Variants in FBLN1 observed in about 807,000 individuals in gnomAD.
The protein encoded by FBLN1 is fibulin 1, also known as fibulin-1.
Under a neutral mutation model 89.7 loss-of-function variants are expected in FBLN1, and 34 were observed. The observed-to-expected ratio is 0.38, with a 90% CI of 0.29 to 0.50. The LOEUF (loss-of-function observed/expected upper bound fraction) is 0.50. FBLN1 is among the 20% of genes least tolerant of loss of function. FBLN1 has a pLI of 0.92. For synonymous variants in FBLN1, 393 were observed against 391.3 expected (o/e 1.00, Z -0.05); for missense variants, 777 against 988.1 (o/e 0.79, Z 2.86).
rs2089030106 is a variant in FBLN1, at chr22:45,580,059, G to T, written c.1972+2951G>T. 6.6e-6 allele frequency among the ~76,000 whole-genome samples: 1 copy of T among 152,160 alleles called. No homozygotes were observed. Among genetic ancestry groups the T allele is most frequent in the Non-Finnish European group, 1.5e-5 (1 of 68,036 alleles). On this transcript the variant is annotated intron_variant, in intron 16 of 16. Coordinates refer to ENST00000327858, the MANE Select transcript of FBLN1 (RefSeq NM_006486.3). This position sits in a 1 kb window ranked among gnomAD's most constrained non-coding sequence, Gnocchi z 8.6. ...TCCTCACAGACACTGCCAGCGACGG[G>T]TCATGATTGTCTCCCTTGGGCAAAG...
In FBLN1 at chr22:45,506,413, C is replaced by T. The variant is rs139447027; in HGVS notation, c.79+3349C>T. Among the ~76,000 whole-genome samples, 838 of 152,326 alleles carry T rather than the reference C, an allele frequency of 5.5e-3. 5 individuals carry two copies. Among genetic ancestry groups the T allele is most frequent in the African/African-American group, 0.019 (803 of 41,556 alleles). On this transcript the variant is annotated intron_variant, in intron 1 of 16. Coordinates refer to ENST00000327858, the MANE Select transcript of FBLN1 (RefSeq NM_006486.3). ...CATTCACTAAGGGACAGCTCAGTGCCAGACACTGCTCTATAACTTGTGGAT... is the reference window on the plus strand; with the variant it reads ...CATTCACTAAGGGACAGCTCAGTGCTAGACACTGCTCTATAACTTGTGGAT...
chr22:45,513,313 T>A (rs1185513117), intron 1 of FBLN1, among the ~76,000 whole-genome samples: 1 of 151,818 alleles, frequency 6.6e-6, no homozygotes, highest in South Asian at 2.1e-4. Context: ...TTTCCTTTTT[T>A]TTTTTTTTTG....
At chr22:45,541,848 C>A (rs1352054209) in intron 9 of FBLN1, among the ~76,000 whole-genome samples, 1 of 152,270 alleles carries the variant, frequency 6.6e-6, no homozygotes, top group Non-Finnish European at 1.5e-5. Flanking sequence ...CTGCCTAGAT[C>A]CCGCCAGGGA....
chr22:45,537,116 G>A lies in FBLN1; in HGVS notation c.922+1779G>A, dbSNP rs1013017156. Among the ~76,000 whole-genome samples, 6 of 152,182 alleles carry A rather than the reference G, an allele frequency of 3.9e-5. No homozygotes were observed. The highest frequency in any genetic ancestry group is 3.9e-4 in the East Asian group (2 of 5,184). ...TTTTAGGAGAAGAGGTGAGGAATCC[G>A]AGCTACAGATCACACTAGTCAGAAC... On this transcript the variant is annotated intron_variant, in intron 8 of 16. Coordinates refer to ENST00000327858, the MANE Select transcript of FBLN1 (RefSeq NM_006486.3). This position sits in a 1 kb window ranked among gnomAD's most constrained non-coding sequence, Gnocchi z 5.7.
chr22:45,586,886 C>T (rs1343823652), intron 16 of FBLN1, among the ~76,000 whole-genome samples: 2 of 152,114 alleles, frequency 1.3e-5, no homozygotes, highest in Non-Finnish European at 2.9e-5. Flanking sequence ...CCATCCACAG[C>T]ACCGGGAGCC....
chr22:45,525,209 AAGAAAGAG>A (rs1569239428), intron 2 of FBLN1, among the ~76,000 whole-genome samples: 22 of 151,662 alleles, frequency 1.5e-4, no homozygotes, highest in Admixed American at 5.9e-4. Context: ...GAGAGAAAGA[AAGAAAGAG>A]AGAAAAAGAA....
At chr22:45,520,463 AC>A (rs1268523658) in intron 2 of FBLN1, among the ~76,000 whole-genome samples, 2 of 131,460 alleles carry the variant, frequency 1.5e-5, no homozygotes, top group African/African-American at 5.3e-5. Context: ...CTCGAAGGAC[AC>A]CAGTCCTTTG....
In FBLN1 at chr22:45,507,463, C is replaced by A. The variant is rs1267911128; in HGVS notation, c.79+4399C>A. On this transcript the variant is annotated intron_variant, in intron 1 of 16. Transcript: ENST00000327858. ...AGGTGAAATGCTTTACATTTAGTAA[C>A]CAATGTCGTCATCTCAGCAGCCCTA... Among the ~76,000 whole-genome samples the A allele has an allele frequency of 2.0e-5, 3 of 152,264 alleles. No individual in the cohort carries two copies. The East Asian group carries it at 5.8e-4, about 29-fold the overall frequency.
rs1321656737 is a variant in FBLN1 at position 45,541,259 on chromosome 22, C to T, written c.953C>T (p.Pro318Leu). The T allele has an allele frequency of 9.3e-6, 15 of 1,614,100 alleles. No homozygotes were observed. The highest frequency in any genetic ancestry group is 1.7e-5 in the Admixed American group (1 of 60,014). The change falls in exon 9 of 17, where the codon CCG (proline) becomes CTG (leucine). Residue 318 changes from proline (P) to leucine (L), a missense_variant. By Grantham distance (98) the Pro-to-Leu change is moderately conservative (BLOSUM62 -3). Coordinates refer to ENST00000327858, the MANE Select transcript of FBLN1 (RefSeq NM_006486.3). ...AATGAGTGTTTGAGTATCAGTGCCC[C>T]GTGCCCTATCGGGCATACATGCATC... ...DINECLSISA[P>L]CPIGHTCINT...
intron 14 of FBLN1, among the ~76,000 whole-genome samples, chr22:45,568,568 TCTGTAGGAGAATGCTC>T (rs1339881695): frequency 7.4e-5 from 11 of 148,354 alleles, no homozygotes; most frequent in African/African-American, 2.8e-4. Flanking sequence ...GCATGCTCCT[TCTGTAGGAGAATGCTC>T]CTGTAGGGGA....
intron 1 of FBLN1, 67 bp from the exon 2 acceptor site, chr22:45,518,615 C>A: frequency 8.7e-7 from 1 of 1,152,916 alleles, no homozygotes; most frequent in Non-Finnish European, 1.3e-6. Flanking sequence ...CCTGGTGGTG[C>A]ATCTGGGAGG....
At chr22:45,525,945 GC>G (rs2088322185) in intron 3 of FBLN1, among the ~76,000 whole-genome samples, 1 of 152,216 alleles carries the variant, frequency 6.6e-6, no homozygotes, top group Non-Finnish European at 1.5e-5. Flanking sequence ...CCTGAGAACC[GC>G]CTGTCTCCAG....
chr22:45,517,525 C>T (rs961349923), intron 1 of FBLN1: 1 of 470,278 alleles, frequency 2.1e-6, no homozygotes. Context: ...TGGCCTGGCT[C>T]TGAGGGTGTG....
chr22:45,525,643 G>C lies in FBLN1; in HGVS notation c.286G>C (p.Gly96Arg). 1 of 1,551,304 alleles carries C rather than the reference G, an allele frequency of 6.4e-7. No homozygotes were observed. The highest frequency in any genetic ancestry group is 1.4e-5 in the African/African-American group (1 of 73,180). The change falls in exon 3 of 17, where the codon GGT (glycine) becomes CGT (arginine). Residue 96 changes from glycine (G) to arginine (R), a missense_variant. Transcript: ENST00000327858. ...GCAGGACCGCTGTGCCACGCCCCAC[G>C]GTGACAACGCCAGCCTGGAGGCCAC... ...NEQDRCATPH[G>R]DNASLEATFV...
chr22:45,521,485 C>T (rs2088249815), intron 2 of FBLN1, among the ~76,000 whole-genome samples: 1 of 152,228 alleles, frequency 6.6e-6, no homozygotes, highest in South Asian at 2.1e-4. Context: ...ACTGAGCTGC[C>T]CAGCTCTGCC....
At chr22:45,514,998 A>G (rs1290252901) in intron 1 of FBLN1, among the ~76,000 whole-genome samples, 24 of 152,148 alleles carry the variant, frequency 1.6e-4, no homozygotes, top group Non-Finnish European at 2.8e-4. Context: ...CTTAACATGT[A>G]TGTTCATGTC....
At chr22:45,564,063 C>T (rs1048409410) in intron 14 of FBLN1, among the ~76,000 whole-genome samples, 1 of 152,210 alleles carries the variant, frequency 6.6e-6, no homozygotes, top group Non-Finnish European at 1.5e-5. Flanking sequence ...GGTGGTCATC[C>T]TCATGAAGAC....
At chr22:45,525,008 C>G (rs570312917) in intron 2 of FBLN1, among the ~76,000 whole-genome samples, 124 of 152,006 alleles carry the variant, frequency 8.2e-4, no homozygotes, top group Admixed American at 1.7e-3. Flanking sequence ...CGCTTGAACC[C>G]GAGACGCAGA....
At chr22:45,503,813 C>T (rs1268942709) in intron 1 of FBLN1, among the ~76,000 whole-genome samples, 1 of 152,162 alleles carries the variant, frequency 6.6e-6, no homozygotes, top group Non-Finnish European at 1.5e-5. Flanking sequence ...CAGATCTGAT[C>T]GATGGCCCAG....
Sources: gnomAD v4.1 joint callset for allele counts (sites outside exome capture counted in the v4.1 genomes callset) on GRCh38, gnomAD v4.1.1 for gene constraint, Gnocchi (gnomAD v3.1) non-coding constraint, MANE v1.5 for transcripts, NCBI Gene and HGNC (gene_info 2026-07-23, HGNC 2026-07-21) for gene names.